PITPNA: variants seen among roughly 807,000 people sequenced by gnomAD.
PITPNA encodes the protein phosphatidylinositol transfer protein alpha.
In PITPNA, 13 loss-of-function variants were observed where a neutral mutation model predicts 50.3. The observed-to-expected ratio is 0.26, with a 90% confidence interval of 0.17 to 0.41. The LOEUF (loss-of-function observed/expected upper bound fraction) is 0.41, where lower values mean the gene tolerates loss of function less well. PITPNA is among the 10% of genes least tolerant of loss of function. PITPNA has a pLI of 1.00. For missense variants in PITPNA, 207 were observed against 333.4 expected, an observed-to-expected ratio of 0.62 and a Z score of 2.95; for synonymous variants, 120 against 119.6, an observed-to-expected ratio of 1.00 and a Z score of -0.02.
chr17:1,557,016 C>A (rs969016802), intron 2 of PITPNA, among the ~76,000 whole-genome samples: 2 of 152,142 alleles, frequency 1.3e-5, no homozygotes, highest in South Asian at 4.1e-4. Context: ...CAAGCCAACA[C>A]CTGTCAGCCC....
intron 5 of PITPNA, 175 bp from the exon 6 acceptor site, chr17:1,541,815 C>T (rs2075649431): frequency 2.9e-6 from 2 of 697,584 alleles, no homozygotes; most frequent in East Asian, 2.8e-5. Flanking sequence ...CATGTATTAT[C>T]CCATTCAATC....
rs372520299 is a variant in PITPNA at position 1,534,166 on chromosome 17, T to G, written c.701A>C (p.Lys234Thr). The change falls in exon 10 of 12, where the codon AAG becomes ACG. Residue 234 changes from lysine (K) to threonine (T), a missense_variant. Lys to Thr is a moderately conservative substitution (Grantham distance 78). Transcript: ENST00000313486. ...FHRQLFCWLD[K>T]WVDLTMDDIR... Reference sequence around the variant, plus strand: ...GTCGTCCATGGTCAGGTCAACCCACTTATCGAGCCAACAGAACAGCTGCCT... The same window carrying G: ...GTCGTCCATGGTCAGGTCAACCCACGTATCGAGCCAACAGAACAGCTGCCT... 6.2e-7 allele frequency: 1 copy of G among 1,613,762 alleles called. No individual in the cohort carries two copies. Among genetic ancestry groups the G allele is most frequent in the Non-Finnish European group, 8.5e-7 (1 of 1,179,856 alleles).
chr17:1,539,830 G>A (rs994464920), intron 6 of PITPNA, among the ~76,000 whole-genome samples: 19 of 152,238 alleles, frequency 1.2e-4, no homozygotes, highest in African/African-American at 3.9e-4. Context: ...TCTGCCTCCC[G>A]GGTTCAAGCG....
rs771620686 is a variant in PITPNA, at chr17:1,535,171, G to A, written c.645+11C>T. On this transcript the variant is annotated intron_variant, in intron 9 of 11. Transcript: ENST00000313486. Reference sequence around the variant, plus strand: ...CGCAGTCACTGGGAAGGCCTCAGCCGAGCTACTTACCTTATGGATGAAGTT... The same window carrying A: ...CGCAGTCACTGGGAAGGCCTCAGCCAAGCTACTTACCTTATGGATGAAGTT... 8 of 1,557,078 alleles carry A rather than the reference G, an allele frequency of 5.1e-6. No individual in the cohort carries two copies. The highest frequency in any genetic ancestry group is 1.4e-5 in the African/African-American group (1 of 73,704).
chr17:1,541,662 C>T (rs775938881), intron 5 of PITPNA, 22 bp from the exon 6 acceptor site: 1 of 1,491,710 alleles, frequency 6.7e-7, no homozygotes, highest in East Asian at 2.3e-5. Context: ...AAAAAAAATA[C>T]ATGAAAGTCA....
At chr17:1,530,744 G>C (rs1375775496) in intron 10 of PITPNA, among the ~76,000 whole-genome samples, 1 of 152,220 alleles carries the variant, frequency 6.6e-6, no homozygotes, top group East Asian at 1.9e-4. Flanking sequence ...AACAGGAACA[G>C]AGGACACCAC....
intron 10 of PITPNA, among the ~76,000 whole-genome samples, chr17:1,528,026 A>T (rs967219949): frequency 6.6e-5 from 10 of 152,202 alleles, no homozygotes; most frequent in East Asian, 3.8e-4. Context: ...TACAAAAATT[A>T]AAAAAATTTT....
chr17:1,533,952 C>T lies in PITPNA; in HGVS notation c.768+147G>A, dbSNP rs114595964. On this transcript the variant is annotated intron_variant, in intron 10 of 11. Transcript: ENST00000313486. ...GCTGTTTTCTTCCGTATAGTGCCCA[C>T]GTACTGCCCAGGATACCGTCCCTGT... 4.9e-4 allele frequency: 426 copies of T among 867,212 alleles called. 2 individuals carry two copies. The African/African-American group carries it at 5.9e-3, about 12-fold the overall frequency. 53.7% of individuals were successfully genotyped at this position (867,212 alleles called of 1,614,324 possible).
rs192757037 is a variant in PITPNA at position 1,545,803 on chromosome 17, C to T, written c.289+2493G>A. 3.3e-5 allele frequency among the ~76,000 whole-genome samples: 5 copies of T among 152,208 alleles called. No homozygotes were observed. In the East Asian group the frequency reaches 7.7e-4, roughly 24 times the overall value. ...ACAAGCTGTGTACCCAGAACCCTGC[C>T]CCAGGCAGGGAGATGTCCACACTTG... On this transcript the variant is annotated intron_variant, in intron 4 of 11. Transcript: ENST00000313486.
chr17:1,552,853 G>C (rs955491381), intron 3 of PITPNA, 151 bp downstream of exon 3: 3 of 780,816 alleles, frequency 3.8e-6, no homozygotes, highest in African/African-American at 1.8e-5. Context: ...ATATAAATGT[G>C]AGTATAACAT....
At chr17:1,541,790 C>T (rs2065134554) in intron 5 of PITPNA, 150 bp from the exon 6 acceptor site, 1 of 711,240 alleles carries the variant, frequency 1.4e-6, no homozygotes. Context: ...GACTGGGAGC[C>T]CACGACACAC....
chr17:1,523,693 T>C (rs2075528600), intron 10 of PITPNA, among the ~76,000 whole-genome samples: 1 of 151,914 alleles, frequency 6.6e-6, no homozygotes, highest in Non-Finnish European at 1.5e-5. Context: ...TGTATTTTAA[T>C]AGGGACGGGG....
rs1235062600 is a variant in PITPNA, at chr17:1,562,552, C to T, written c.9G>A (p.Leu3=). The T allele has an allele frequency of 1.4e-6, 2 of 1,403,840 alleles. No individual in the cohort carries two copies. Among genetic ancestry groups the T allele is most frequent in the Non-Finnish European group, 1.9e-6 (2 of 1,070,514 alleles). The allele number at this position is 1,403,840 out of a possible 1,614,324, so 87.0% of individuals were successfully genotyped here. MV[L]LKEYRVILPV... ...CGCCGGACACTCACTACTCCTTGAG[C>T]AGCACCATGTCGCTTCGCGGCTCGG... The change falls in exon 1 of 12, where the codon CTG becomes CTA. Residue 3 remains leucine (L), a synonymous_variant. Coordinates refer to ENST00000313486, the MANE Select transcript of PITPNA (RefSeq NM_006224.4). The surrounding 1 kb of genome is among the most constrained non-coding windows in gnomAD (Gnocchi z 6.4).
At chr17:1,560,396 T>C (rs1260847389) in intron 1 of PITPNA, among the ~76,000 whole-genome samples, 1 of 143,184 alleles carries the variant, frequency 7.0e-6, no homozygotes, top group African/African-American at 2.7e-5. Context: ...GATGCCCTGA[T>C]GCCCCTGCTC....
chr17:1,530,808 G>C (rs2075577221), intron 10 of PITPNA, among the ~76,000 whole-genome samples: 1 of 152,236 alleles, frequency 6.6e-6, no homozygotes, highest in Admixed American at 6.5e-5. Flanking sequence ...GGACAGAAGA[G>C]TCAGTAGCTA....
In PITPNA at chr17:1,549,626, T is replaced by A. The variant is rs1158695203; in HGVS notation, c.198-1239A>T. 1.4e-5 allele frequency among the ~76,000 whole-genome samples: 2 copies of A among 144,156 alleles called. 1 individual carries two copies. The highest frequency in any genetic ancestry group is 5.3e-5 in the African/African-American group (2 of 38,042). The allele number at this position is 144,156 out of a possible 152,430, so 94.6% of individuals were successfully genotyped here. A position where few individuals can be genotyped will look rare whatever the true frequency, so the allele number is the denominator to read the frequency against. On this transcript the variant is annotated intron_variant, in intron 3 of 11. Coordinates refer to ENST00000313486, the MANE Select transcript of PITPNA (RefSeq NM_006224.4). Reference sequence around the variant, plus strand: ...AGCCACCGTGCCTGGCCTAGAAAGATTTTTTAAAATTAAAATGAAAATGGT... The same window carrying A: ...AGCCACCGTGCCTGGCCTAGAAAGAATTTTTAAAATTAAAATGAAAATGGT...
chr17:1,534,811 TCA>T (rs1342894905), intron 9 of PITPNA, among the ~76,000 whole-genome samples: 1 of 152,204 alleles, frequency 6.6e-6, no homozygotes, highest in East Asian at 1.9e-4. Context: ...TCCTTCCCTG[TCA>T]CATGTGGTGT....
At chr17:1,528,695 G>C (rs2075561848) in intron 10 of PITPNA, among the ~76,000 whole-genome samples, 1 of 151,458 alleles carries the variant, frequency 6.6e-6, no homozygotes. Flanking sequence ...TATGATCACA[G>C]CACTGCACTC....
intron 1 of PITPNA, among the ~76,000 whole-genome samples, chr17:1,558,787 C>A (rs182893566): frequency 5.9e-5 from 7 of 119,066 alleles, no homozygotes; most frequent in African/African-American, 1.9e-4. Flanking sequence ...CCCGCCCCCC[C>A]CCCCAGAGAA....
Sources: gnomAD v4.1 joint callset for allele counts (sites outside exome capture counted in the v4.1 genomes callset) on GRCh38, gnomAD v4.1.1 for gene constraint, Gnocchi (gnomAD v3.1) non-coding constraint, MANE v1.5 for transcripts, NCBI Gene and HGNC (gene_info 2026-07-23, HGNC 2026-07-21) for gene names.